Variants in VCL observed in about 807,000 individuals in gnomAD.
The protein encoded by VCL is epididymis luminal protein 114.
Under a neutral mutation model 125.7 loss-of-function variants are expected in VCL, and 47 were observed. The observed-to-expected ratio is 0.37, with a 90% CI of 0.30 to 0.48. The LOEUF is 0.48. Among genes scored for constraint, VCL ranks in the 20% least tolerant of loss-of-function variants. The pLI is 0.99. For synonymous variants in VCL, 458 were observed against 514.6 expected, an observed-to-expected ratio of 0.89 and a Z score of 1.49; for missense variants, 1,069 against 1,455.5, an observed-to-expected ratio of 0.73 and a Z score of 4.32.
intron 1 of VCL, among the ~76,000 whole-genome samples, chr10:74,039,165 G>A (rs1009235343): frequency 3.9e-5 from 6 of 151,986 alleles, no homozygotes; most frequent in Admixed American, 1.3e-4. Flanking sequence ...GCTCTCCTCG[G>A]CCTCCCAAAG....
rs753936921 is a variant in VCL, at chr10:74,101,026, G to A, written c.1951G>A (p.Gly651Ser). Residue 651 changes from glycine (G) to serine (S), a missense_variant, in exon 14 of 22, where the codon GGT becomes AGT. Transcript: ENST00000211998. ...GATAEKAAAV[G>S]TANKSTVEGI... is the part of the protein sequence containing the mutation. ...TACGGCCGAGAAGGCGGCTGCGGTT[G>A]GTACTGCTAATAAATCAACAGTGGA... 4.3e-6 allele frequency: 7 copies of A among 1,613,784 alleles called. No individual in the cohort carries two copies. In the East Asian group the frequency reaches 1.3e-4, roughly 31 times the overall value.
At chr10:74,018,502 G>C (rs1840602762) in intron 1 of VCL, among the ~76,000 whole-genome samples, 1 of 152,074 alleles carries the variant, frequency 6.6e-6, no homozygotes, top group Admixed American at 6.6e-5. Flanking sequence ...CCACTTTAGA[G>C]AGGCAGTGTT....
chr10:74,075,069 A>G (rs1028249526), intron 6 of VCL, 166 bp downstream of exon 6: 6 of 882,226 alleles, frequency 6.8e-6, no homozygotes, highest in African/African-American at 1.7e-5. Context: ...GTTACTTGCT[A>G]TCTTTGCTAA....
At chr10:74,052,380 T>G (rs1233881548) in intron 2 of VCL, among the ~76,000 whole-genome samples, 2 of 148,572 alleles carry the variant, frequency 1.3e-5, no homozygotes, top group East Asian at 1.9e-4. Flanking sequence ...GTTAGTTTTT[T>G]TTTTTTTTTT....
At chr10:74,076,242 T>C (rs1839583317) in intron 6 of VCL, 1 of 152,660 alleles carries the variant, frequency 6.6e-6, no homozygotes, top group African/African-American at 2.4e-5. Flanking sequence ...CGTCAGAATG[T>C]GATTTAATAC....
At chr10:74,094,224 G>A in intron 10 of VCL, 47 bp from the exon 11 acceptor site, 1 of 1,611,050 alleles carries the variant, frequency 6.2e-7, no homozygotes, top group South Asian at 1.1e-5. Context: ...TGATCTCAAT[G>A]TAAATAGTGT....
At chr10:74,074,091 C>T (rs1434111271) in intron 5 of VCL, among the ~76,000 whole-genome samples, 1 of 152,166 alleles carries the variant, frequency 6.6e-6, no homozygotes, top group Non-Finnish European at 1.5e-5. Context: ...CAAAAATTAG[C>T]CAGGATTGGT....
At position 74,071,209 on chromosome 10, in the gene VCL, C is replaced by T. The variant is rs1841659081; in HGVS notation, c.499+126C>T. The T allele has an allele frequency of 2.4e-6, 2 of 826,472 alleles. No individual in the cohort carries two copies. Among genetic ancestry groups the T allele is most frequent in the Admixed American group, 2.0e-5 (1 of 50,278 alleles). The allele number at this position is 826,472 out of a possible 1,614,324, so 51.2% of individuals were successfully genotyped here. A position where few individuals can be genotyped will look rare whatever the true frequency, so the allele number is the denominator to read the frequency against. On this transcript the variant is annotated intron_variant, in intron 4 of 21. Coordinates refer to ENST00000211998, the MANE Select transcript of VCL (RefSeq NM_014000.3). This position sits in a 1 kb window ranked among gnomAD's most constrained non-coding sequence, Gnocchi z 4.1. ...GATGCATTGGGCTTTCAGGTGTCTG[C>T]TCTGTTGATGGAGATGATGCTGTGC...
intron 2 of VCL, among the ~76,000 whole-genome samples, chr10:74,051,466 TC>T (rs1841298445): frequency 1.3e-5 from 2 of 152,182 alleles, no homozygotes; most frequent in African/African-American, 4.8e-5. Flanking sequence ...TGAGCTCTGC[TC>T]AATTTCTTAA....
chr10:74,065,129 T>A (rs1411831706), intron 2 of VCL, among the ~76,000 whole-genome samples: 2 of 146,946 alleles, frequency 1.4e-5, no homozygotes, highest in Non-Finnish European at 3.0e-5. Context: ...AAATGTATAA[T>A]CCCAGCACTT....
At chr10:74,087,343 T>TC (rs1431347248) in intron 8 of VCL, among the ~76,000 whole-genome samples, 1 of 145,932 alleles carries the variant, frequency 6.9e-6, no homozygotes, top group East Asian at 2.0e-4. Flanking sequence ...GTTTTTCTTT[T>TC]TTTTTTTTTT....
Position 74,083,506 on chromosome 10 carries a change from C to T in VCL, c.1015C>T (p.Arg339Cys), listed in dbSNP as rs759961842. 3.1e-5 allele frequency: 50 copies of T among 1,613,704 alleles called. No individual in the cohort carries two copies. Among genetic ancestry groups the T allele is most frequent in the Non-Finnish European group, 4.0e-5 (47 of 1,179,870 alleles). ...GQMTDQVADL[R>C]ARGQGSSPVA... ...GATGACTGATCAAGTGGCTGACCTC[C>T]GTGCCAGGTAAAAGTTCCTCTGTCC... is the stretch of plus-strand genomic sequence containing the variant. Residue 339 changes from arginine (R) to cysteine (C), a missense_variant, in exon 8 of 22, where the codon CGT becomes TGT. Transcript: ENST00000211998.
At chr10:74,049,110 A>C (rs112492824) in intron 2 of VCL, among the ~76,000 whole-genome samples, 541 of 146,624 alleles carry the variant, frequency 3.7e-3, no homozygotes, top group Middle Eastern at 0.011. Context: ...CCATCTCAAA[A>C]AAACAAACAA....
At chr10:74,046,458 G>A (rs1841198435) in intron 2 of VCL, among the ~76,000 whole-genome samples, 2 of 152,118 alleles carry the variant, frequency 1.3e-5, no homozygotes, top group South Asian at 4.1e-4. Context: ...GCCCAGGCTG[G>A]TCTTGAATTC....
intron 2 of VCL, among the ~76,000 whole-genome samples, chr10:74,048,886 C>T (rs1446675339): frequency 2.0e-5 from 3 of 152,114 alleles, no homozygotes; most frequent in East Asian, 1.9e-4. Flanking sequence ...TTTGGGAGGC[C>T]GAGGCGGGGG....
At chr10:74,002,678 T>G (rs1401384237) in intron 1 of VCL, among the ~76,000 whole-genome samples, 1 of 151,296 alleles carries the variant, frequency 6.6e-6, no homozygotes, top group Non-Finnish European at 1.5e-5. Context: ...GGTCAAGAGA[T>G]GGAGACCATC....
At chr10:74,098,676 G>A (rs1840007272) in intron 13 of VCL, among the ~76,000 whole-genome samples, 1 of 152,182 alleles carries the variant, frequency 6.6e-6, no homozygotes, top group African/African-American at 2.4e-5. Flanking sequence ...GAAGGGGTTT[G>A]GGTCAGGTAC....
intron 1 of VCL, among the ~76,000 whole-genome samples, chr10:74,042,384 T>G (rs944179110): frequency 4.6e-5 from 7 of 152,226 alleles, no homozygotes; most frequent in Admixed American, 1.3e-4. Context: ...ATAAGGTATA[T>G]TCTCATAAGT....
At chr10:74,022,909 G>A (rs554831550) in intron 1 of VCL, among the ~76,000 whole-genome samples, 24 of 152,228 alleles carry the variant, frequency 1.6e-4, no homozygotes, top group African/African-American at 5.8e-4. Flanking sequence ...CCAAAGTGCT[G>A]GGATTACAGA....
Sources: gnomAD v4.1 joint callset for allele counts (sites outside exome capture counted in the v4.1 genomes callset) on GRCh38, gnomAD v4.1.1 for gene constraint, Gnocchi (gnomAD v3.1) non-coding constraint, MANE v1.5 for transcripts, NCBI Gene and HGNC (gene_info 2026-07-23, HGNC 2026-07-21) for gene names.